Variants in SLC4A4 observed in about 807,000 individuals in gnomAD.
The protein encoded by SLC4A4 is electrogenic sodium bicarbonate cotransporter 1.
A neutral mutation model predicts 111.5 loss-of-function variants in SLC4A4; 27 were observed. That is an observed-to-expected ratio of 0.24 (90% CI 0.18 to 0.33). The LOEUF is 0.33. SLC4A4 is among the 10% of genes least tolerant of loss of function. The pLI, the probability that SLC4A4 is intolerant of heterozygous loss-of-function variation, is 1.00. For synonymous variants in SLC4A4, 443 were observed against 463.4 expected (o/e 0.96, Z 0.57); for missense variants, 909 against 1,315.5 (o/e 0.69, Z 4.78).
chr4:71,420,778 CA>C (rs1722377121), intron 7 of SLC4A4, among the ~76,000 whole-genome samples: 2 of 144,018 alleles, frequency 1.4e-5, no homozygotes, highest in Non-Finnish European at 3.1e-5. Flanking sequence ...TACAGACAAG[CA>C]AATGCTGAGA....
chr4:71,228,362 G>A (rs1245484049), intron 1 of SLC4A4, among the ~76,000 whole-genome samples: 4 of 152,242 alleles, frequency 2.6e-5, no homozygotes, highest in South Asian at 2.1e-4. Context: ...CAAAAATCCC[G>A]TGCATTTGCT....
chr4:71,180,180 C>A (rs868841085), intron 2 of SLC4A4, among the ~76,000 whole-genome samples: 18 of 152,292 alleles, frequency 1.2e-4, no homozygotes, highest in African/African-American at 4.3e-4. Context: ...CCCTTCCTTA[C>A]ACCTTATACA....
chr4:71,528,632 CTT>C (rs1491155108), intron 16 of SLC4A4, among the ~76,000 whole-genome samples: 1 of 151,856 alleles, frequency 6.6e-6, no homozygotes, highest in African/African-American at 2.4e-5. Context: ...AGGAAACAGT[CTT>C]ATATATATGT....
chr4:71,317,075 C>CGTGTGT (rs3039073), intron 3 of SLC4A4, among the ~76,000 whole-genome samples: 61 of 147,604 alleles, frequency 4.1e-4, no homozygotes, highest in African/African-American at 1.4e-3. Flanking sequence ...TGTGTGTGTG[C>CGTGTGT]GTGTGTGTGT....
At chr4:71,188,769 G>A (rs559351703) in intron 1 of SLC4A4, among the ~76,000 whole-genome samples, 2 of 151,746 alleles carry the variant, frequency 1.3e-5, no homozygotes, top group East Asian at 3.9e-4. Context: ...TCTCTTTCTT[G>A]TGTCTTTCAT....
intron 3 of SLC4A4, among the ~76,000 whole-genome samples, chr4:71,316,311 C>G (rs1578820801): frequency 6.6e-6 from 1 of 152,104 alleles, no homozygotes; most frequent in African/African-American, 2.4e-5. Flanking sequence ...AGAAAACCCT[C>G]CCTCTGAACA....
In SLC4A4 at chr4:71,568,503, A is replaced by G. The variant is rs900503451; in HGVS notation, c.*752A>G. On this transcript the variant is annotated 3_prime_UTR_variant, in exon 26 of 26. Transcript: ENST00000264485. Reference sequence around the variant, plus strand: ...AGTGCTGGAATGTCCCTTTTTTCCTATGCAACTTTTTTTAACCCTTTAATG... The same window carrying G: ...AGTGCTGGAATGTCCCTTTTTTCCTGTGCAACTTTTTTTAACCCTTTAATG... 6.6e-6 allele frequency: 1 copy of G among 152,168 alleles called. No individual in the cohort carries two copies. Among genetic ancestry groups the G allele is most frequent in the Non-Finnish European group, 1.5e-5 (1 of 67,816 alleles). 9.4% of individuals were successfully genotyped at this position (152,168 alleles called of 1,614,324 possible).
chr4:71,279,629 G>A (rs1723345207), intron 3 of SLC4A4, among the ~76,000 whole-genome samples: 1 of 152,050 alleles, frequency 6.6e-6, no homozygotes, highest in Non-Finnish European at 1.5e-5. Flanking sequence ...GTTTCCTTTG[G>A]ATGTATACCC....
chr4:71,210,337 C>G (rs1398568933), intron 1 of SLC4A4, among the ~76,000 whole-genome samples: 1 of 152,196 alleles, frequency 6.6e-6, no homozygotes, highest in Non-Finnish European at 1.5e-5. Flanking sequence ...AAGGAGAAAT[C>G]ACAGCATCTA....
intron 7 of SLC4A4, among the ~76,000 whole-genome samples, chr4:71,419,272 T>G (rs891561645): frequency 1.3e-5 from 2 of 152,340 alleles, no homozygotes; most frequent in East Asian, 3.9e-4. Context: ...GCTGTCCTTT[T>G]GTTTGTCTGT....
chr4:71,103,897 C>T (rs372317662), intron 2 of SLC4A4, among the ~76,000 whole-genome samples: 1 of 129,812 alleles, frequency 7.7e-6, no homozygotes, highest in Non-Finnish European at 1.6e-5. Context: ...CAAAAGCTAG[C>T]AGAAGGCAAG....
chr4:71,367,693 T>C (rs966778171), intron 6 of SLC4A4, among the ~76,000 whole-genome samples: 1 of 152,194 alleles, frequency 6.6e-6, no homozygotes. Context: ...TGGGAAACAA[T>C]TAAAAATTCA....
At chr4:71,447,551 C>T in intron 8 of SLC4A4, 95 bp from the exon 9 acceptor site, 5 of 808,834 alleles carry the variant, frequency 6.2e-6, no homozygotes, top group Admixed American at 3.9e-5. Flanking sequence ...TAGACCTAAC[C>T]TTTTTATGAA....
chr4:71,439,468 A>G (rs1027764971), intron 7 of SLC4A4, among the ~76,000 whole-genome samples: 149 of 138,510 alleles, frequency 1.1e-3, no homozygotes, highest in Middle Eastern at 3.6e-3. Context: ...AAAAAAAAAA[A>G]AAAGAAAAGA....
At chr4:71,421,997 G>A (rs988786764) in intron 7 of SLC4A4, among the ~76,000 whole-genome samples, 13 of 151,896 alleles carry the variant, frequency 8.6e-5, no homozygotes, top group South Asian at 2.1e-4. Flanking sequence ...AGAGCAGAAC[G>A]GAAGGAAATA....
intron 16 of SLC4A4, among the ~76,000 whole-genome samples, chr4:71,516,717 T>C (rs1411225787): frequency 6.6e-6 from 1 of 152,246 alleles, no homozygotes; most frequent in Non-Finnish European, 1.5e-5. Context: ...CCCTCTAGTC[T>C]TTCTAGCCAC....
chr4:71,156,835 G>C (rs747375905), intron 2 of SLC4A4, among the ~76,000 whole-genome samples: 2 of 152,086 alleles, frequency 1.3e-5, no homozygotes, highest in Non-Finnish European at 2.9e-5. Context: ...CTGAGGTGAC[G>C]ATTCTTTTCT....
intron 3 of SLC4A4, among the ~76,000 whole-genome samples, chr4:71,294,428 T>G (rs953594173): frequency 4.6e-5 from 7 of 152,238 alleles, no homozygotes; most frequent in Admixed American, 2.6e-4. Context: ...TAAAATTGGT[T>G]GGAACCTGGC....
chr4:71,216,106 A>G (rs982141956), intron 1 of SLC4A4, among the ~76,000 whole-genome samples: 1 of 151,750 alleles, frequency 6.6e-6, no homozygotes, highest in Non-Finnish European at 1.5e-5. Context: ...ACGGGGTTTC[A>G]CCATGTTGGC....
Sources: allele counts gnomAD v4.1 joint callset (sites outside exome capture counted in the v4.1 genomes callset), GRCh38; gene constraint gnomAD v4.1.1; transcripts MANE v1.5; gene names NCBI Gene and HGNC (gene_info 2026-07-23, HGNC 2026-07-21).